Variants in UBE2K observed in about 807,000 individuals in gnomAD.
UBE2K encodes the protein ubiquitin conjugating enzyme E2 K, also known as ubiquitin-conjugating enzyme E2 K.
In UBE2K, 6 loss-of-function variants were observed where a neutral mutation model predicts 30.0. The ratio of observed to expected loss-of-function variants is 0.20; its 90% CI spans 0.11 to 0.39. The LOEUF is 0.39. Among genes scored for constraint, UBE2K ranks in the 10% least tolerant of loss-of-function variants. The pLI is 1.00. For synonymous variants in UBE2K, 86 were observed against 83.7 expected, an observed-to-expected ratio of 1.03 and a Z score of -0.15; for missense variants, 61 against 241.6, an observed-to-expected ratio of 0.25 and a Z score of 4.96.
rs200866796 is a variant in UBE2K at position 39,725,737 on chromosome 4, C to T, written c.64-11683C>T. Among the ~76,000 whole-genome samples the T allele has an allele frequency of 5.9e-5, 9 of 152,120 alleles. No homozygotes were observed. The East Asian group carries it at 9.6e-4, about 16-fold the overall frequency. Reference sequence around the variant, plus strand: ...CCATCCTCACTGTGAGAACCTCCTGCGTTCAAGTGACCCTCCTGCTTCAGC... The same window carrying T: ...CCATCCTCACTGTGAGAACCTCCTGTGTTCAAGTGACCCTCCTGCTTCAGC... On this transcript the variant is annotated intron_variant, in intron 1 of 6. Transcript: ENST00000261427.
intron 1 of UBE2K, among the ~76,000 whole-genome samples, chr4:39,720,904 C>T (rs1719385274): frequency 6.6e-6 from 1 of 151,902 alleles, no homozygotes; most frequent in Non-Finnish European, 1.5e-5. Context: ...CCACTGTGCC[C>T]AGTTAATTAT....
At chr4:39,744,682 G>A (rs1161894843) in intron 2 of UBE2K, among the ~76,000 whole-genome samples, 1 of 150,614 alleles carries the variant, frequency 6.6e-6, no homozygotes, top group Non-Finnish European at 1.5e-5. Flanking sequence ...TGAGGCAGGT[G>A]GATCACGAGG....
rs1713635949 is a variant in UBE2K, at chr4:39,781,906, A to G, written c.*3472A>G. ...TGCTTACCATCAGCCAGTTGCTGTC[A>G]CTGGGAAGAAGGCAACTTGAAGTAT... On this transcript the variant is annotated 3_prime_UTR_variant, in exon 7 of 7. Coordinates refer to ENST00000261427, the MANE Select transcript of UBE2K (RefSeq NM_005339.5). 2 of 398,346 alleles carry G rather than the reference A, an allele frequency of 5.0e-6. No individual in the cohort carries two copies. Among genetic ancestry groups the G allele is most frequent in the Non-Finnish European group, 8.9e-6 (2 of 225,916 alleles). The allele number at this position is 398,346 out of a possible 1,614,324, so 24.7% of individuals were successfully genotyped here.
intron 4 of UBE2K, among the ~76,000 whole-genome samples, chr4:39,763,275 G>C (rs1712092213): frequency 6.8e-6 from 1 of 146,644 alleles, no homozygotes; most frequent in African/African-American, 2.5e-5. Flanking sequence ...CTTTGAGACA[G>C]AGTTTCGCTC....
At chr4:39,769,823 A>G (rs1223525646) in intron 4 of UBE2K, among the ~76,000 whole-genome samples, 1 of 151,996 alleles carries the variant, frequency 6.6e-6, no homozygotes, top group African/African-American at 2.4e-5. Flanking sequence ...AGAGAAGGAA[A>G]TCTTTCTCTG....
At chr4:39,766,442 G>A (rs1004433318) in intron 4 of UBE2K, among the ~76,000 whole-genome samples, 2 of 151,038 alleles carry the variant, frequency 1.3e-5, no homozygotes, top group Admixed American at 6.6e-5. Context: ...TTGGAGAAAC[G>A]TCTGTTCACA....
intron 1 of UBE2K, among the ~76,000 whole-genome samples, chr4:39,735,842 AAAAGTACTAATTAG>A (rs1663240570): frequency 6.6e-6 from 1 of 152,210 alleles, no homozygotes; most frequent in South Asian, 2.1e-4. Context: ...AAATGTAAAA[AAAAGTACTAATTAG>A]AAAGTAAGTT....
rs1446738037 is a variant in UBE2K, at chr4:39,752,323, TTCTTTTTTTTTC to T, written c.217-3332_217-3321del. Among the ~76,000 whole-genome samples the T allele has an allele frequency of 1.3e-3, 139 of 109,208 alleles. 8 individuals carry two copies. Among genetic ancestry groups the T allele is most frequent in the South Asian group, 2.1e-3 (6 of 2,908 alleles). 71.6% of individuals were successfully genotyped at this position (109,208 alleles called of 152,430 possible). ...TCACGCCTGGCTAATTTTTTTTTTTTTCTTTTTTTTTCTTTTTTTTTTTTTTTTTTTGAGACG... is the reference window on the plus strand; with the variant it reads ...TCACGCCTGGCTAATTTTTTTTTTTTTTTTTTTTTTTTTTTTTTTGAGACG... On this transcript the variant is annotated intron_variant, in intron 3 of 6. Coordinates refer to ENST00000261427, the MANE Select transcript of UBE2K (RefSeq NM_005339.5).
chr4:39,766,836 G>A (rs1255993767), intron 4 of UBE2K, among the ~76,000 whole-genome samples: 4 of 151,998 alleles, frequency 2.6e-5, no homozygotes, highest in Admixed American at 6.6e-5. Context: ...TGCAGCCTCT[G>A]CCTCCTGGGT....
chr4:39,718,758 C>T (rs1719251284), intron 1 of UBE2K, among the ~76,000 whole-genome samples: 1 of 152,248 alleles, frequency 6.6e-6, no homozygotes, highest in South Asian at 2.1e-4. Flanking sequence ...CTAAGCCCCT[C>T]ACTGCCCAGG....
chr4:39,753,623 C>A (rs989691036), intron 3 of UBE2K, among the ~76,000 whole-genome samples: 7 of 151,946 alleles, frequency 4.6e-5, no homozygotes, highest in Admixed American at 4.6e-4. Context: ...TGGAATAGAT[C>A]AGGAAGAAGT....
intron 1 of UBE2K, among the ~76,000 whole-genome samples, chr4:39,717,268 A>G (rs373126125): frequency 2.1e-5 from 3 of 143,322 alleles, no homozygotes; most frequent in Non-Finnish European, 4.5e-5. Context: ...GACTCTCGCT[A>G]TATCGCCCAG....
At chr4:39,746,061 C>T (rs1477625448) in intron 3 of UBE2K, among the ~76,000 whole-genome samples, 3 of 151,988 alleles carry the variant, frequency 2.0e-5, no homozygotes, top group African/African-American at 7.2e-5. Flanking sequence ...GACAATGGCT[C>T]ATATACTAGA....
intron 5 of UBE2K, 42 bp downstream of exon 5, chr4:39,774,975 G>T: frequency 7.2e-7 from 1 of 1,393,208 alleles, no homozygotes. Context: ...TATTATGTAT[G>T]AGTCTCTAGC....
intron 3 of UBE2K, among the ~76,000 whole-genome samples, chr4:39,750,859 C>T (rs1474912960): frequency 1.3e-5 from 2 of 151,860 alleles, no homozygotes; most frequent in Non-Finnish European, 2.9e-5. Flanking sequence ...GATCCTCTCA[C>T]CTCAGCCTTC....
At position 39,698,321 on chromosome 4, in the gene UBE2K, C is replaced by T; in HGVS notation, c.-7C>T. On this transcript the variant is annotated 5_prime_UTR_variant, in exon 1 of 7. Coordinates refer to ENST00000261427, the MANE Select transcript of UBE2K (RefSeq NM_005339.5). ...GAGGCGGGTACGAATCAGCTGCGGGCGGAGACATGGCCAACATCGCGGTGC... is the reference window on the plus strand; with the variant it reads ...GAGGCGGGTACGAATCAGCTGCGGGTGGAGACATGGCCAACATCGCGGTGC... 6.2e-7 allele frequency: 1 copy of T among 1,610,836 alleles called. No homozygotes were observed. Among genetic ancestry groups the T allele is most frequent in the Non-Finnish European group, 8.5e-7 (1 of 1,178,794 alleles).
chr4:39,720,387 A>G (rs1308494505), intron 1 of UBE2K, among the ~76,000 whole-genome samples: 1 of 151,874 alleles, frequency 6.6e-6, no homozygotes, highest in African/African-American at 2.4e-5. Flanking sequence ...TATATATGAC[A>G]TCATCTGTGG....
chr4:39,750,849 G>A lies in UBE2K; in HGVS notation c.217-4808G>A, dbSNP rs952103414. 3.3e-5 allele frequency among the ~76,000 whole-genome samples: 5 copies of A among 151,464 alleles called. No homozygotes were observed. The East Asian group carries it at 7.7e-4, about 23-fold the overall frequency. On this transcript the variant is annotated intron_variant, in intron 3 of 6. Transcript: ENST00000261427. ...CAACCTCTGCCTCCTGGGCTCAAGC[G>A]ATCCTCTCACCTCAGCCTTCGAGTA...
At chr4:39,749,678 CA>C (rs760704951) in intron 3 of UBE2K, among the ~76,000 whole-genome samples, 41 of 141,554 alleles carry the variant, frequency 2.9e-4, no homozygotes, top group Admixed American at 7.1e-4. Flanking sequence ...GACTCTGTCT[CA>C]AAAAAAAAAA....
Sources: gnomAD v4.1 joint callset for allele counts (sites outside exome capture counted in the v4.1 genomes callset) on GRCh38, gnomAD v4.1.1 for gene constraint, MANE v1.5 for transcripts, NCBI Gene and HGNC (gene_info 2026-07-23, HGNC 2026-07-21) for gene names.